FNBP1L: variants seen among roughly 807,000 people sequenced by gnomAD.
The protein encoded by FNBP1L is formin binding protein 1 like.
Under a neutral mutation model 91.2 loss-of-function variants are expected in FNBP1L, and 36 were observed. The ratio of observed to expected loss-of-function variants is 0.39; its 90% confidence interval spans 0.30 to 0.52. The LOEUF (loss-of-function observed/expected upper bound fraction) is 0.52. FNBP1L is among the 20% of genes least tolerant of loss of function. FNBP1L has a pLI of 0.66. For missense variants in FNBP1L, 571 were observed against 732.1 expected, an observed-to-expected ratio of 0.78 and a Z score of 2.54; for synonymous variants, 242 against 237.0, an observed-to-expected ratio of 1.02 and a Z score of -0.19.
At chr1:93,457,149 A>C (rs1346727217) in intron 1 of FNBP1L, among the ~76,000 whole-genome samples, 1 of 152,126 alleles carries the variant, frequency 6.6e-6, no homozygotes, top group Non-Finnish European at 1.5e-5. Flanking sequence ...CTCCCAAAGC[A>C]CTGGGGATTA....
intron 2 of FNBP1L, among the ~76,000 whole-genome samples, chr1:93,513,028 A>G (rs574600258): frequency 1.3e-5 from 2 of 152,344 alleles, no homozygotes; most frequent in South Asian, 4.1e-4. Flanking sequence ...ACCACTAGCA[A>G]GACTAATAAA....
intron 8 of FNBP1L, among the ~76,000 whole-genome samples, chr1:93,533,973 T>G (rs1006074155): frequency 6.6e-6 from 1 of 152,066 alleles, no homozygotes; most frequent in African/African-American, 2.4e-5. Context: ...AAAGAGAGGT[T>G]GTTGTTAGGG....
At chr1:93,475,936 C>T (rs1669478747) in intron 1 of FNBP1L, among the ~76,000 whole-genome samples, 1 of 152,022 alleles carries the variant, frequency 6.6e-6, no homozygotes, top group South Asian at 2.1e-4. Flanking sequence ...CTGATTTCTA[C>T]ATATTCTGTG....
intron 5 of FNBP1L, among the ~76,000 whole-genome samples, chr1:93,528,506 C>T (rs2101755680): frequency 6.6e-6 from 1 of 152,250 alleles, no homozygotes; most frequent in African/African-American, 2.4e-5. Flanking sequence ...GCATTTTTAG[C>T]CATGGAGATT....
chr1:93,462,188 A>G (rs1668892138), intron 1 of FNBP1L, among the ~76,000 whole-genome samples: 1 of 152,226 alleles, frequency 6.6e-6, no homozygotes, highest in South Asian at 2.1e-4. Flanking sequence ...ACAAAGATCT[A>G]TATTTAACCC....
At chr1:93,488,264 T>G (rs1253710683) in intron 1 of FNBP1L, 3 of 151,876 alleles carry the variant, frequency 2.0e-5, no homozygotes, top group Admixed American at 6.6e-5. Context: ...GAGTTCGGGG[T>G]GTGTGTGTGT....
chr1:93,471,353 T>C (rs940202631), intron 1 of FNBP1L, among the ~76,000 whole-genome samples: 12 of 152,226 alleles, frequency 7.9e-5, no homozygotes, highest in African/African-American at 2.9e-4. Context: ...GCTACATTTT[T>C]GTTTTTATTT....
In FNBP1L at chr1:93,483,649, A is replaced by G. The variant is rs552458153; in HGVS notation, c.25-15819A>G. Among the ~76,000 whole-genome samples the G allele has an allele frequency of 7.2e-5, 11 of 152,330 alleles. No individual in the cohort carries two copies. In the South Asian group the frequency reaches 1.7e-3, roughly 23 times the overall value. On this transcript the variant is annotated intron_variant, in intron 1 of 16. Coordinates refer to ENST00000271234, the MANE Select transcript of FNBP1L (RefSeq NM_001164473.3). ...TGTTGCTTCTTCCAAAATATAATAG[A>G]CCATATATAGATAAAACTAAATTAT...
intron 1 of FNBP1L, among the ~76,000 whole-genome samples, chr1:93,449,349 C>T (rs1202620783): frequency 6.6e-6 from 1 of 152,160 alleles, no homozygotes; most frequent in Non-Finnish European, 1.5e-5. Context: ...CGAGAGCCGC[C>T]TGGCCTCAGC....
At chr1:93,471,365 G>A (rs1669279851) in intron 1 of FNBP1L, among the ~76,000 whole-genome samples, 1 of 152,042 alleles carries the variant, frequency 6.6e-6, no homozygotes, top group African/African-American at 2.4e-5. Context: ...TTTTTATTTT[G>A]CTTAGTGTTT....
chr1:93,472,367 T>C (rs1049557799), intron 1 of FNBP1L, among the ~76,000 whole-genome samples: 1 of 152,188 alleles, frequency 6.6e-6, no homozygotes, highest in Non-Finnish European at 1.5e-5. Context: ...AAGTATCTTG[T>C]CTAAAACTAC....
chr1:93,475,332 A>AG (rs1465247327), intron 1 of FNBP1L, among the ~76,000 whole-genome samples: 1 of 152,100 alleles, frequency 6.6e-6, no homozygotes, highest in East Asian at 1.9e-4. Flanking sequence ...CCAAGGTGGG[A>AG]GGATCACTTG....
At chr1:93,516,709 G>T (rs1346962965) in intron 2 of FNBP1L, among the ~76,000 whole-genome samples, 5 of 151,594 alleles carry the variant, frequency 3.3e-5, no homozygotes. Flanking sequence ...GGGAGGCTGA[G>T]GCAGGAGAAA....
chr1:93,459,464 A>G (rs1668786617), intron 1 of FNBP1L, among the ~76,000 whole-genome samples: 1 of 152,242 alleles, frequency 6.6e-6, no homozygotes, highest in South Asian at 2.1e-4. Flanking sequence ...GCCAACATGT[A>G]TATGAAAAAA....
In FNBP1L at chr1:93,530,764, C is replaced by A; in HGVS notation, c.520C>A (p.Gln174Lys). ...ACCATTTTGCCCCTAGGCCAAACAGCAGTTGAATCTGCGTACGCATATGGC... is the reference window on the plus strand; with the variant it reads ...ACCATTTTGCCCCTAGGCCAAACAGAAGTTGAATCTGCGTACGCATATGGC... ...TKADVEKAKQ[Q>K]LNLRTHMADE... is the part of the protein sequence containing the mutation. Residue 174 changes from glutamine (Q) to lysine (K), a missense_variant, in exon 7 of 17, where the codon CAG becomes AAG. By Grantham distance (53) the Gln-to-Lys change is moderately conservative (BLOSUM62 1). Coordinates refer to ENST00000271234, the MANE Select transcript of FNBP1L (RefSeq NM_001164473.3). 6.3e-7 allele frequency: 1 copy of A among 1,596,998 alleles called. No individual in the cohort carries two copies. Among genetic ancestry groups the A allele is most frequent in the South Asian group, 1.1e-5 (1 of 87,456 alleles).
intron 10 of FNBP1L, among the ~76,000 whole-genome samples, chr1:93,540,036 A>C (rs1456111749): frequency 2.0e-5 from 3 of 152,108 alleles, no homozygotes; most frequent in Non-Finnish European, 4.4e-5. Flanking sequence ...GATTAACTTT[A>C]TAAAGCTCCG....
At chr1:93,478,368 GCA>G (rs557825360) in intron 1 of FNBP1L, among the ~76,000 whole-genome samples, 18 of 152,314 alleles carry the variant, frequency 1.2e-4, no homozygotes, top group African/African-American at 4.1e-4. Flanking sequence ...GGGTATCAGA[GCA>G]TGAATGGGAT....
chr1:93,498,563 A>C (rs970550377), intron 1 of FNBP1L, among the ~76,000 whole-genome samples: 1 of 152,216 alleles, frequency 6.6e-6, no homozygotes, highest in African/African-American at 2.4e-5. Flanking sequence ...CTAAACCACA[A>C]GTGATTTTAA....
chr1:93,505,625 A>G (rs1670583811), intron 2 of FNBP1L, among the ~76,000 whole-genome samples: 1 of 152,266 alleles, frequency 6.6e-6, no homozygotes, highest in Non-Finnish European at 1.5e-5. Flanking sequence ...AAGAGCATAA[A>G]GTAATGTTGA....
Sources: allele counts gnomAD v4.1 joint callset (sites outside exome capture counted in the v4.1 genomes callset), GRCh38; gene constraint gnomAD v4.1.1; transcripts MANE v1.5; gene names NCBI Gene and HGNC (gene_info 2026-07-23, HGNC 2026-07-21).